The following NET1 variants were observed in gnomAD, a reference collection of about 807,000 sequenced individuals.
The protein encoded by NET1 is neuroepithelial cell-transforming gene 1 protein.
NET1 carries 42 observed loss-of-function variants against 61.1 expected under a neutral mutation model. That is an observed-to-expected ratio of 0.69 (90% CI 0.54 to 0.89). The LOEUF is 0.89. NET1 is among the 40% of genes least tolerant of loss of function. The pLI, the probability that NET1 is intolerant of heterozygous loss-of-function variation, is 0.00. For missense variants in NET1, 654 were observed against 747.3 expected, an observed-to-expected ratio of 0.88 and a Z score of 1.46; for synonymous variants, 254 against 281.8, an observed-to-expected ratio of 0.90 and a Z score of 0.99.
At chr10:5,436,809 G>A (rs1411379558) in intron 3 of NET1, among the ~76,000 whole-genome samples, 2 of 152,094 alleles carry the variant, frequency 1.3e-5, no homozygotes, top group Admixed American at 1.3e-4. Flanking sequence ...GAAACCTAGT[G>A]ACTTACCTAG....
At chr10:5,418,647 CT>C (rs1832117345) in intron 1 of NET1, among the ~76,000 whole-genome samples, 1 of 152,034 alleles carries the variant, frequency 6.6e-6, no homozygotes, top group Non-Finnish European at 1.5e-5. Context: ...TTTATTTTCA[CT>C]TTAATCCTTA....
rs1228928399 is a variant in NET1 at position 5,415,718 on chromosome 10, C to T, written c.128+2898C>T. On this transcript the variant is annotated intron_variant, in intron 1 of 11. Transcript: ENST00000355029. The surrounding 1 kb of genome is among the most constrained non-coding windows in gnomAD (Gnocchi z 4.7). ...CCTCCCAAAGTGCTGGGATTACAGG[C>T]GTGAGCCACCGCACCTGGCCCTGTT... is the stretch of plus-strand genomic sequence containing the variant. Among the ~76,000 whole-genome samples the T allele has an allele frequency of 6.6e-6, 1 of 152,142 alleles. No homozygotes were observed. The highest frequency in any genetic ancestry group is 1.9e-4 in the East Asian group (1 of 5,200).
chr10:5,428,054 T>C (rs1461201166), intron 2 of NET1, among the ~76,000 whole-genome samples: 3 of 148,308 alleles, frequency 2.0e-5, no homozygotes, highest in South Asian at 2.2e-4. Context: ...TTTTTTTTTT[T>C]TTTTTTTTTT....
chr10:5,436,978 A>G (rs1034876525), intron 3 of NET1, among the ~76,000 whole-genome samples: 2 of 152,256 alleles, frequency 1.3e-5, no homozygotes, highest in Non-Finnish European at 2.9e-5. Context: ...TTGGCCAAAA[A>G]TAAAAGTTAA....
At position 5,426,916 on chromosome 10, in the gene NET1, A is replaced by T. The variant is rs1832266928; in HGVS notation, c.195+195A>T. ...TAATAACTTTTTGTTTCAAGTAAAT[A>T]TAAAACATATTTTGCAAAGTACTCA... On this transcript the variant is annotated intron_variant, in intron 2 of 11. Coordinates refer to ENST00000355029, the MANE Select transcript of NET1 (RefSeq NM_001047160.3). This position sits in a 1 kb window ranked among gnomAD's most constrained non-coding sequence, Gnocchi z 4.6. 1.3e-5 allele frequency among the ~76,000 whole-genome samples: 2 copies of T among 152,128 alleles called. No homozygotes were observed. Among genetic ancestry groups the T allele is most frequent in the Admixed American group, 6.5e-5 (1 of 15,274 alleles).
chr10:5,434,656 G>T (rs7090709), intron 3 of NET1, among the ~76,000 whole-genome samples: 98,855 of 150,718 alleles, frequency 0.66, 32,587 homozygotes, highest in Admixed American at 0.72. Flanking sequence ...GGTTTAAGGG[G>T]AATCTTTCTC....
rs1832745920 is a variant in NET1, at chr10:5,453,639, A to AT, written c.768+82dup. 8.2e-7 allele frequency: 1 copy of AT among 1,220,240 alleles called. No homozygotes were observed. Among genetic ancestry groups the AT allele is most frequent in the South Asian group, 1.2e-5 (1 of 82,408 alleles). 75.6% of individuals were successfully genotyped at this position (1,220,240 alleles called of 1,614,324 possible). On this transcript the variant is annotated intron_variant, in intron 8 of 11. Coordinates refer to ENST00000355029, the MANE Select transcript of NET1 (RefSeq NM_001047160.3). This position sits in a 1 kb window ranked among gnomAD's most constrained non-coding sequence, Gnocchi z 4.9. ...GCAGTTTCTGATGAATATGAGACAGATTTGATCCCACAACTCTGTTCTACA... is the reference window on the plus strand; with the variant it reads ...GCAGTTTCTGATGAATATGAGACAGATTTTGATCCCACAACTCTGTTCTACA...
intron 1 of NET1, among the ~76,000 whole-genome samples, chr10:5,419,528 A>T (rs1413648198): frequency 6.6e-6 from 1 of 151,984 alleles, no homozygotes. Flanking sequence ...AATTTATAGC[A>T]TTTGAATTTC....
In NET1 at chr10:5,417,793, G is replaced by A. The variant is rs1341763974; in HGVS notation, c.128+4973G>A. 6.6e-6 allele frequency among the ~76,000 whole-genome samples: 1 copy of A among 152,156 alleles called. No individual in the cohort carries two copies. The highest frequency in any genetic ancestry group is 1.5e-5 in the Non-Finnish European group (1 of 68,022). On this transcript the variant is annotated intron_variant, in intron 1 of 11. Coordinates refer to ENST00000355029, the MANE Select transcript of NET1 (RefSeq NM_001047160.3). This position sits in a 1 kb window ranked among gnomAD's most constrained non-coding sequence, Gnocchi z 5.5. ...CATACAATCTTTCACCATTAAGTAT[G>A]ATGTTAGTTGTAAGCTTTGTAGATG...
chr10:5,448,207 G>A (rs561038095), intron 3 of NET1, among the ~76,000 whole-genome samples: 1 of 152,230 alleles, frequency 6.6e-6, no homozygotes, highest in Non-Finnish European at 1.5e-5. Context: ...GTCTTGATAT[G>A]ATTGGTTATA....
intron 2 of NET1, among the ~76,000 whole-genome samples, chr10:5,428,276 C>A (rs182403622): frequency 1.2e-4 from 18 of 151,920 alleles, no homozygotes; most frequent in African/African-American, 4.3e-4. Context: ...AATTAAGTAC[C>A]AGAAATGGTA....
chr10:5,418,399 T>C (rs1832114427), intron 1 of NET1, among the ~76,000 whole-genome samples: 1 of 152,194 alleles, frequency 6.6e-6, no homozygotes, highest in South Asian at 2.1e-4. Flanking sequence ...CTTTAGGAAT[T>C]TGTTTCATCA....
chr10:5,415,501 A>G lies in NET1; in HGVS notation c.128+2681A>G, dbSNP rs10160084. Among the ~76,000 whole-genome samples, 146,665 of 151,202 alleles carry G rather than the reference A, an allele frequency of 0.97. 71,248 individuals carry two copies. Among genetic ancestry groups the G allele is most frequent in the Non-Finnish European group, 1 (67,792 of 67,840 alleles). Reference sequence around the variant, plus strand: ...GTCACCGGGGCTGGAGTACAGTGGCATGATCTCGGCTCACTGCAACCTCCG... The same window carrying G: ...GTCACCGGGGCTGGAGTACAGTGGCGTGATCTCGGCTCACTGCAACCTCCG... On this transcript the variant is annotated intron_variant, in intron 1 of 11. Coordinates refer to ENST00000355029, the MANE Select transcript of NET1 (RefSeq NM_001047160.3). This position sits in a 1 kb window ranked among gnomAD's most constrained non-coding sequence, Gnocchi z 4.7.
At position 5,415,665 on chromosome 10, in the gene NET1, T is replaced by C. The variant is rs539722038; in HGVS notation, c.128+2845T>C. Reference sequence around the variant, plus strand: ...CATGTTGGCTAGGCTGGTCTTGAACTCCTGACCTTGTGATTTGCCTGCCTC... The same window carrying C: ...CATGTTGGCTAGGCTGGTCTTGAACCCCTGACCTTGTGATTTGCCTGCCTC... On this transcript the variant is annotated intron_variant, in intron 1 of 11. Transcript: ENST00000355029. This position sits in a 1 kb window ranked among gnomAD's most constrained non-coding sequence, Gnocchi z 4.7. 6.6e-6 allele frequency among the ~76,000 whole-genome samples: 1 copy of C among 152,326 alleles called. No homozygotes were observed. Among genetic ancestry groups the C allele is most frequent in the Admixed American group, 6.5e-5 (1 of 15,294 alleles).
chr10:5,433,584 C>T (rs1024353687), intron 3 of NET1, among the ~76,000 whole-genome samples: 7 of 152,174 alleles, frequency 4.6e-5, no homozygotes, highest in Admixed American at 2.0e-4. Flanking sequence ...TTCATTTGGA[C>T]GGATATGAAA....
chr10:5,428,655 G>A (rs1832298510), intron 2 of NET1, among the ~76,000 whole-genome samples: 1 of 151,954 alleles, frequency 6.6e-6, no homozygotes, highest in Admixed American at 6.5e-5. Context: ...ACTTAGTCAG[G>A]GGAGACTGTT....
Position 5,456,358 on chromosome 10 carries a change from T to C in NET1, c.1384+85T>C, listed in dbSNP as rs1405891550. 2 of 1,300,782 alleles carry C rather than the reference T, an allele frequency of 1.5e-6. No individual in the cohort carries two copies. Among genetic ancestry groups the C allele is most frequent in the Non-Finnish European group, 2.1e-6 (2 of 964,696 alleles). The allele number at this position is 1,300,782 out of a possible 1,614,324, so 80.6% of individuals were successfully genotyped here. A position where few individuals can be genotyped will look rare whatever the true frequency, so the allele number is the denominator to read the frequency against. On this transcript the variant is annotated intron_variant, in intron 11 of 11. Transcript: ENST00000355029. This position sits in a 1 kb window ranked among gnomAD's most constrained non-coding sequence, Gnocchi z 7.0. Reference sequence around the variant, plus strand: ...GTTTTGCCTTTAAGAATTCTAGAGATGAAATGGCTCCATTGTCCTATACTT... The same window carrying C: ...GTTTTGCCTTTAAGAATTCTAGAGACGAAATGGCTCCATTGTCCTATACTT...
intron 3 of NET1, among the ~76,000 whole-genome samples, chr10:5,445,754 C>T (rs1291110691): frequency 2.0e-5 from 3 of 152,192 alleles, no homozygotes; most frequent in Non-Finnish European, 4.4e-5. Context: ...ATTGTCACTT[C>T]ACCTCTGTTA....
rs761484275 is a variant in NET1 at position 5,440,651 on chromosome 10, T to G, written c.256-11179T>G. Reference sequence around the variant, plus strand: ...GGGGTGAAATTTCAGGGACTCCCACTTAGCTATTCCCACCATGGTGCTGAG... The same window carrying G: ...GGGGTGAAATTTCAGGGACTCCCACGTAGCTATTCCCACCATGGTGCTGAG... On this transcript the variant is annotated intron_variant, in intron 3 of 11. Transcript: ENST00000355029. The surrounding 1 kb of genome is among the most constrained non-coding windows in gnomAD (Gnocchi z 4.1). Among the ~76,000 whole-genome samples, 4 of 152,218 alleles carry G rather than the reference T, an allele frequency of 2.6e-5. No homozygotes were observed. Among genetic ancestry groups the G allele is most frequent in the Non-Finnish European group, 5.9e-5 (4 of 68,046 alleles).
Sources: allele counts gnomAD v4.1 joint callset (sites outside exome capture counted in the v4.1 genomes callset), GRCh38; gene constraint gnomAD v4.1.1; non-coding constraint Gnocchi (gnomAD v3.1); transcripts MANE v1.5; gene names NCBI Gene and HGNC (gene_info 2026-07-23, HGNC 2026-07-21).